The following FRMD4A variants were observed in gnomAD, a reference collection of about 807,000 sequenced individuals.
FRMD4A encodes FERM domain-containing protein 4A.
In FRMD4A, 29 loss-of-function variants were observed where a neutral mutation model predicts 129.1. The ratio of observed to expected loss-of-function variants is 0.22; its 90% CI spans 0.17 to 0.31. The LOEUF (loss-of-function observed/expected upper bound fraction) is 0.31, where lower values mean the gene tolerates loss of function less well. FRMD4A is among the 10% of genes least tolerant of loss of function. FRMD4A has a pLI of 1.00. For synonymous variants in FRMD4A, 634 were observed against 571.6 expected, an observed-to-expected ratio of 1.11 and a Z score of -1.56; for missense variants, 1,272 against 1,375.8, an observed-to-expected ratio of 0.92 and a Z score of 1.19.
intron 2 of FRMD4A, among the ~76,000 whole-genome samples, chr10:14,273,059 TACACAC>T (rs59318900): frequency 1.7e-3 from 246 of 144,000 alleles, no homozygotes; most frequent in African/African-American, 5.6e-3. Flanking sequence ...TTACCAGAAA[TACACAC>T]ACACACACAC....
At chr10:13,709,215 C>T (rs1001207495) in intron 12 of FRMD4A, among the ~76,000 whole-genome samples, 11 of 152,188 alleles carry the variant, frequency 7.2e-5, no homozygotes, top group African/African-American at 2.4e-4. Context: ...CTGCCCGCCT[C>T]GGCCTCCCAA....
At chr10:14,035,319 G>A (rs996542390) in intron 2 of FRMD4A, among the ~76,000 whole-genome samples, 10 of 152,038 alleles carry the variant, frequency 6.6e-5, no homozygotes, top group African/African-American at 2.4e-4. Flanking sequence ...GGCTGAGGCG[G>A]GAGGACTGCA....
intron 4 of FRMD4A, among the ~76,000 whole-genome samples, chr10:13,804,287 G>T (rs2093317980): frequency 6.6e-6 from 1 of 152,196 alleles, no homozygotes; most frequent in East Asian, 1.9e-4. Flanking sequence ...GCTGTGTCTT[G>T]TGGTTGTTTC....
chr10:13,941,688 T>C (rs1339243459), intron 2 of FRMD4A, among the ~76,000 whole-genome samples: 5 of 152,210 alleles, frequency 3.3e-5, no homozygotes, highest in Non-Finnish European at 7.3e-5. Context: ...AGGCCAGGCC[T>C]GACTGTACAC....
intron 2 of FRMD4A, among the ~76,000 whole-genome samples, chr10:14,121,058 C>T (rs573409248): frequency 7.4e-4 from 113 of 152,302 alleles, no homozygotes; most frequent in African/African-American, 2.6e-3. Context: ...TATGAATCAC[C>T]TGGGGACTTT....
chr10:13,660,240 C>A, intron 20 of FRMD4A, 76 bp downstream of exon 20: 1 of 928,672 alleles, frequency 1.1e-6, no homozygotes, highest in African/African-American at 1.6e-5. Context: ...ACCGTGGATG[C>A]TACTTGGGAC....
chr10:14,218,901 G>A (rs953420920), intron 2 of FRMD4A, among the ~76,000 whole-genome samples: 26 of 140,672 alleles, frequency 1.8e-4, no homozygotes, highest in Non-Finnish European at 3.2e-4. Context: ...GTTGCAGTGA[G>A]CCGAGATTGC....
chr10:14,106,411 GGTGA>G, intron 2 of FRMD4A, among the ~76,000 whole-genome samples: 1 of 152,280 alleles, frequency 6.6e-6, no homozygotes, highest in Admixed American at 6.5e-5. Context: ...ATCCATCACT[GGTGA>G]GTGAGGAATA....
intron 2 of FRMD4A, among the ~76,000 whole-genome samples, chr10:13,992,602 C>T (rs193276815): frequency 2.1e-4 from 32 of 152,244 alleles, no homozygotes; most frequent in African/African-American, 7.2e-4. Flanking sequence ...ATAATTTCAG[C>T]AGGGAGTTGA....
At chr10:14,118,011 G>A (rs1838290869) in intron 2 of FRMD4A, among the ~76,000 whole-genome samples, 1 of 152,166 alleles carries the variant, frequency 6.6e-6, no homozygotes, top group Non-Finnish European at 1.5e-5. Context: ...CGGAAGTGTG[G>A]CCCTGTTTAG....
At chr10:13,838,122 T>C (rs540407251) in intron 3 of FRMD4A, among the ~76,000 whole-genome samples, 2 of 152,314 alleles carry the variant, frequency 1.3e-5, no homozygotes, top group African/African-American at 2.4e-5. Context: ...AGGATCTTGC[T>C]CTGTTGCCCA....
chr10:14,157,627 C>T (rs996629393), intron 2 of FRMD4A, among the ~76,000 whole-genome samples: 1 of 152,198 alleles, frequency 6.6e-6, no homozygotes, highest in African/African-American at 2.4e-5. Flanking sequence ...AGCTTCACTT[C>T]TCTGGCTGAG....
chr10:13,955,304 C>T (rs765460995), intron 2 of FRMD4A, among the ~76,000 whole-genome samples: 5 of 151,994 alleles, frequency 3.3e-5, no homozygotes, highest in African/African-American at 4.8e-5. Flanking sequence ...GACGGGGTTT[C>T]GCCATGTTGG....
intron 2 of FRMD4A, among the ~76,000 whole-genome samples, chr10:14,275,482 T>C (rs1010889960): frequency 6.6e-6 from 1 of 152,182 alleles, no homozygotes; most frequent in Non-Finnish European, 1.5e-5. Flanking sequence ...GCTATCTGAA[T>C]ATTTTAAGGC....
At chr10:14,028,266 G>T (rs1833074758) in intron 2 of FRMD4A, among the ~76,000 whole-genome samples, 1 of 152,274 alleles carries the variant, frequency 6.6e-6, no homozygotes, top group East Asian at 1.9e-4. Context: ...ATAGGTGCTG[G>T]TGCCTACAAA....
chr10:13,666,474 C>A lies in FRMD4A; in HGVS notation c.1375-149G>T, dbSNP rs192180606. 5.9e-5 allele frequency: 37 copies of A among 622,466 alleles called. No individual in the cohort carries two copies. In the Admixed American group the frequency reaches 8.7e-4, roughly 15 times the overall value. 38.6% of individuals were successfully genotyped at this position (622,466 alleles called of 1,614,324 possible). On this transcript the variant is annotated intron_variant, in intron 17 of 24. Transcript: ENST00000357447. The stretch of plus-strand genomic sequence containing the variant: ...TCCTAAAATCTGCACCCACTGAAGT[C>A]CCCAGGCACACCCACTGTTGTAACC...
chr10:13,807,923 CA>C, intron 4 of FRMD4A, among the ~76,000 whole-genome samples: 1 of 152,052 alleles, frequency 6.6e-6, no homozygotes, highest in Non-Finnish European at 1.5e-5. Flanking sequence ...CTCAGCCTCC[CA>C]AACAGCTAGG....
intron 2 of FRMD4A, among the ~76,000 whole-genome samples, chr10:13,902,709 A>AAT (rs2094834922): frequency 1.3e-5 from 2 of 151,888 alleles, no homozygotes; most frequent in African/African-American, 4.8e-5. Flanking sequence ...GTGTGGTGGC[A>AAT]CACACTTGTA....
At chr10:14,128,565 C>A (rs890935922) in intron 2 of FRMD4A, among the ~76,000 whole-genome samples, 1 of 152,142 alleles carries the variant, frequency 6.6e-6, no homozygotes, top group African/African-American at 2.4e-5. Context: ...TGTGACGATA[C>A]AATAAATTGG....
Sources: allele counts gnomAD v4.1 joint callset (sites outside exome capture counted in the v4.1 genomes callset), GRCh38; gene constraint gnomAD v4.1.1; transcripts MANE v1.5; gene names NCBI Gene and HGNC (gene_info 2026-07-23, HGNC 2026-07-21).